The following ABCA5 variants were observed in gnomAD, a reference collection of about 807,000 sequenced individuals.
ABCA5 encodes the protein ATP binding cassette subfamily A member 5.
In ABCA5, 163 loss-of-function variants were observed where a neutral mutation model predicts 206.0. The observed-to-expected ratio is 0.79, with a 90% confidence interval of 0.70 to 0.90. The LOEUF is 0.90. ABCA5 is among the 40% of genes least tolerant of loss of function. ABCA5 has a pLI of 0.00. For synonymous variants in ABCA5, 609 were observed against 613.8 expected (o/e 0.99, Z 0.11); for missense variants, 1,859 against 1,912.9 (o/e 0.97, Z 0.53).
At chr17:69,304,481 A>G (rs1056902543) in intron 7 of ABCA5, 188 bp downstream of exon 7, 2 of 461,524 alleles carry the variant, frequency 4.3e-6, no homozygotes, top group African/African-American at 2.0e-5. Context: ...ATCTAAAACT[A>G]TTTTGTAACA....
At chr17:69,302,972 G>C (rs961063338) in intron 7 of ABCA5, 66 bp from the exon 8 acceptor site, 1 of 842,198 alleles carries the variant, frequency 1.2e-6, no homozygotes, top group Non-Finnish European at 1.6e-6. Flanking sequence ...CAAAATTAAA[G>C]TTTGCTTCTG....
chr17:69,293,994 C>T (rs553835292), intron 11 of ABCA5, among the ~76,000 whole-genome samples: 106 of 151,862 alleles, frequency 7.0e-4, no homozygotes, highest in Non-Finnish European at 1.2e-3. Flanking sequence ...TTATCAGGAC[C>T]AAAATGTCAG....
chr17:69,310,764 C>T (rs1341629232), intron 3 of ABCA5, among the ~76,000 whole-genome samples: 3 of 152,194 alleles, frequency 2.0e-5, no homozygotes, highest in African/African-American at 4.8e-5. Flanking sequence ...TAGTACTTAA[C>T]GTCTTCATGT....
chr17:69,271,919 C>T (rs756434089), intron 20 of ABCA5, among the ~76,000 whole-genome samples: 1 of 152,124 alleles, frequency 6.6e-6, no homozygotes, highest in Non-Finnish European at 1.5e-5. Context: ...TCTAAAGTAC[C>T]TGGAGCCAAG....
At chr17:69,305,353 A>G (rs1405326368) in intron 6 of ABCA5, among the ~76,000 whole-genome samples, 3 of 152,184 alleles carry the variant, frequency 2.0e-5, no homozygotes, top group Non-Finnish European at 4.4e-5. Flanking sequence ...GCTCAATGGA[A>G]TTGCTGCAGT....
At chr17:69,259,887 A>G (rs1319856448) in intron 27 of ABCA5, 90 bp from the exon 28 acceptor site, 7 of 653,990 alleles carry the variant, frequency 1.1e-5, no homozygotes, top group Non-Finnish European at 1.3e-5. Context: ...AAGACTACAT[A>G]CATCAAGTTC....
chr17:69,247,507 G>A lies in ABCA5; in HGVS notation c.*30C>T. On this transcript the variant is annotated 3_prime_UTR_variant, in exon 39 of 39. Coordinates refer to ENST00000392676, the MANE Select transcript of ABCA5 (RefSeq NM_172232.4). ...TTAAAATTAAGTGAAAAAGAAAGAA[G>A]TCCCAGTAAGCAGACCGAACAATAC... 2 of 1,392,934 alleles carry A rather than the reference G, an allele frequency of 1.4e-6. No individual in the cohort carries two copies. Among genetic ancestry groups the A allele is most frequent in the South Asian group, 2.7e-5 (2 of 75,092 alleles). 86.3% of individuals were successfully genotyped at this position (1,392,934 alleles called of 1,614,324 possible). A position where few individuals can be genotyped will look rare whatever the true frequency, so the allele number is the denominator to read the frequency against.
chr17:69,283,849 C>T, intron 18 of ABCA5, 104 bp downstream of exon 18: 2 of 1,178,172 alleles, frequency 1.7e-6, no homozygotes, highest in Non-Finnish European at 2.3e-6. Context: ...CTTATTTCTA[C>T]CCTTTATTCT....
intron 3 of ABCA5, among the ~76,000 whole-genome samples, chr17:69,310,985 A>G (rs1030715471): frequency 3.9e-5 from 6 of 152,068 alleles, no homozygotes; most frequent in African/African-American, 1.4e-4. Context: ...CCAGGAGTAG[A>G]TTGCTTGAGA....
chr17:69,306,610 G>C, intron 6 of ABCA5, 115 bp downstream of exon 6: 5 of 463,242 alleles, frequency 1.1e-5, no homozygotes, highest in Non-Finnish European at 1.7e-5. Flanking sequence ...ATCATTGTAA[G>C]AAAACAGGAT....
At chr17:69,261,317 T>A in intron 25 of ABCA5, 58 bp from the exon 26 acceptor site, 1 of 1,496,482 alleles carries the variant, frequency 6.7e-7, no homozygotes, top group Non-Finnish European at 9.1e-7. Context: ...TCTTACAAAT[T>A]GGTGTCTACG....
intron 18 of ABCA5, 28 bp from the exon 19 acceptor site, chr17:69,277,870 C>T: frequency 7.0e-7 from 1 of 1,433,718 alleles, no homozygotes; most frequent in Non-Finnish European, 9.3e-7. Flanking sequence ...ACAAACATTT[C>T]AGTATGTTCA....
intron 11 of ABCA5, 147 bp downstream of exon 11, chr17:69,294,508 C>T (rs1567772364): frequency 5.6e-6 from 4 of 709,204 alleles, no homozygotes; most frequent in East Asian, 2.9e-5. Flanking sequence ...GGTGACAGAG[C>T]GAGACTCCAT....
At position 69,287,716 on chromosome 17, in the gene ABCA5, G is replaced by T. The variant is rs1241926728; in HGVS notation, c.1938C>A (p.Asp646Glu). 6.2e-7 allele frequency: 1 copy of T among 1,613,622 alleles called. No homozygotes were observed. The highest frequency in any genetic ancestry group is 1.7e-5 in the Admixed American group (1 of 59,960). ...LLLDEPTAGM[D>E]PCSRHIVWNL... ...TCCATACAATATGTCGAGAACAGGG[G>T]TCCATTCCAGCTGTTGGTTCATCTA... is the stretch of plus-strand genomic sequence containing the variant. Residue 646 changes from aspartate to glutamate, a missense_variant, in exon 15 of 39, where the codon GAC becomes GAA. Transcript: ENST00000392676.
chr17:69,279,438 G>A (rs1305461473), intron 18 of ABCA5, among the ~76,000 whole-genome samples: 1 of 151,990 alleles, frequency 6.6e-6, no homozygotes, highest in Non-Finnish European at 1.5e-5. Flanking sequence ...AACCAATATC[G>A]TGAAAATGGC....
intron 29 of ABCA5, 129 bp downstream of exon 29, chr17:69,256,027 AT>A (rs889150755): frequency 2.3e-6 from 3 of 1,288,156 alleles, no homozygotes; most frequent in Middle Eastern, 2.1e-4. Flanking sequence ...TAAACGAAGT[AT>A]TTTTTTCCAA....
chr17:69,261,608 G>C (rs751396870), intron 25 of ABCA5, 27 bp downstream of exon 25: 15 of 1,034,174 alleles, frequency 1.5e-5, no homozygotes, highest in Non-Finnish European at 2.1e-5. Flanking sequence ...GCTATGGAAA[G>C]TTGAAATAAT....
At chr17:69,274,768 A>G (rs542533189) in intron 19 of ABCA5, among the ~76,000 whole-genome samples, 5 of 150,210 alleles carry the variant, frequency 3.3e-5, no homozygotes, top group Non-Finnish European at 7.4e-5. Context: ...AACACAAGAC[A>G]TTATGTCTCA....
At position 69,301,262 on chromosome 17, in the gene ABCA5, C is replaced by T; in HGVS notation, c.1144G>A (p.Glu382Lys). The change falls in exon 9 of 39, where the codon GAA (glutamate) becomes AAA (lysine). Residue 382 changes from glutamate to lysine, a missense_variant. Coordinates refer to ENST00000392676, the MANE Select transcript of ABCA5 (RefSeq NM_172232.4). ...AQVMHLEDFN[E>K]GASFSNLTAG... ...GTCAAATTTGAAAATGAAGCACCTT[C>T]ATTAAAATCTTCTAAATGCATGACC... 1 of 1,591,998 alleles carries T rather than the reference C, an allele frequency of 6.3e-7. No homozygotes were observed. The highest frequency in any genetic ancestry group is 8.5e-7 in the Non-Finnish European group (1 of 1,174,938).
Sources: gnomAD v4.1 joint callset for allele counts (sites outside exome capture counted in the v4.1 genomes callset) on GRCh38, gnomAD v4.1.1 for gene constraint, MANE v1.5 for transcripts, NCBI Gene and HGNC (gene_info 2026-07-23, HGNC 2026-07-21) for gene names.